The following PPP1R21 variants were observed in gnomAD, a reference collection of about 807,000 sequenced individuals.
The protein encoded by PPP1R21 is KLRAQ motif containing 1.
In PPP1R21, 85 loss-of-function variants were observed where a neutral mutation model predicts 112.8. The observed-to-expected ratio is 0.75, with a 90% CI of 0.63 to 0.90. The LOEUF (loss-of-function observed/expected upper bound fraction) is 0.90, where lower values mean the gene tolerates loss of function less well. PPP1R21 is among the 40% of genes least tolerant of loss of function. The pLI, the probability that PPP1R21 is intolerant of heterozygous loss-of-function variation, is 0.00. For synonymous variants in PPP1R21, 381 were observed against 322.3 expected (o/e 1.18, Z -1.95); for missense variants, 1,199 against 901.5 (o/e 1.33, Z -4.23).
At chr2:48,500,802 G>A (rs994126026) in intron 17 of PPP1R21, among the ~76,000 whole-genome samples, 1 of 152,090 alleles carries the variant, frequency 6.6e-6, no homozygotes, top group Non-Finnish European at 1.5e-5. Flanking sequence ...TCAGCTACTC[G>A]GGAGGCTGAG....
chr2:48,449,768 T>G (rs1667397191), intron 1 of PPP1R21, among the ~76,000 whole-genome samples: 1 of 151,902 alleles, frequency 6.6e-6, no homozygotes, highest in South Asian at 2.1e-4. Flanking sequence ...ATAGATTTTT[T>G]TTTTTTTTAA....
intron 16 of PPP1R21, 123 bp from the exon 17 acceptor site, chr2:48,498,370 A>T: frequency 1.1e-6 from 1 of 884,520 alleles, no homozygotes; most frequent in Non-Finnish European, 1.7e-6. Context: ...CGAGGGTCAA[A>T]CTTTATTATT....
At chr2:48,508,812 G>T (rs1670504549) in intron 19 of PPP1R21, among the ~76,000 whole-genome samples, 1 of 152,218 alleles carries the variant, frequency 6.6e-6, no homozygotes, top group African/African-American at 2.4e-5. Flanking sequence ...GAAATAAGTA[G>T]CTGAGGAATT....
chr2:48,486,593 A>T, intron 13 of PPP1R21, 38 bp from the exon 14 acceptor site: 1 of 1,494,898 alleles, frequency 6.7e-7, no homozygotes, highest in Non-Finnish European at 9.3e-7. Flanking sequence ...TGACTTATAT[A>T]TAGATAATAA....
rs370669499 is a variant in PPP1R21 at position 48,479,964 on chromosome 2, T to G, written c.1266T>G (p.Ser422=). 41 of 1,613,460 alleles carry G rather than the reference T, an allele frequency of 2.5e-5. No homozygotes were observed. Among genetic ancestry groups the G allele is most frequent in the Non-Finnish European group, 3.4e-5 (40 of 1,179,360 alleles). Reference sequence around the variant, plus strand: ...GACTCCTTCGGACAAACTACAGTTCTGTGTTAACAAATGTTGGTGCTGCTC... The same window carrying G: ...GACTCCTTCGGACAAACTACAGTTCGGTGTTAACAAATGTTGGTGCTGCTC... ...PDGLLRTNYS[S]VLTNVGAALH... Residue 422 remains serine (S), a synonymous_variant, in exon 13 of 22, where the codon TCT becomes TCG. Transcript: ENST00000294952.
Position 48,487,448 on chromosome 2 carries a change from C to T in PPP1R21, c.1446+690C>T, listed in dbSNP as rs796499852. Among the ~76,000 whole-genome samples the T allele has an allele frequency of 3.4e-4, 51 of 152,192 alleles. 1 individual carries two copies. Among genetic ancestry groups the T allele is most frequent in the African/African-American group, 1.2e-3 (51 of 41,534 alleles). On this transcript the variant is annotated intron_variant, in intron 14 of 21. Transcript: ENST00000294952. ...ATACTTAATTTTCACTATAAACTAA[C>T]TAAAGTGCAGTTTCTTTAAGAATCC...
At chr2:48,449,368 A>G (rs1399841949) in intron 1 of PPP1R21, among the ~76,000 whole-genome samples, 2 of 152,226 alleles carry the variant, frequency 1.3e-5, no homozygotes, top group South Asian at 2.1e-4. Flanking sequence ...ATAGCTGGTT[A>G]TAGTGAATTT....
chr2:48,489,188 AC>A (rs1391943243), intron 14 of PPP1R21, among the ~76,000 whole-genome samples: 1 of 152,174 alleles, frequency 6.6e-6, no homozygotes, highest in Non-Finnish European at 1.5e-5. Context: ...TGTATACAAG[AC>A]TGTAACTTTT....
rs34664331 is a variant in PPP1R21, at chr2:48,440,812, CGCGGCG to C, written c.-124_-119del. Reference sequence around the variant, plus strand: ...GGGAACCCGGAAGTGGAGGAGGAGGCGCGGCGGCGGCGGCGGCGGCGGCTGCGGTGG... The same window carrying C: ...GGGAACCCGGAAGTGGAGGAGGAGGCGCGGCGGCGGCGGCGGCTGCGGTGG... On this transcript the variant is annotated 5_prime_UTR_variant, in exon 1 of 22. Coordinates refer to ENST00000294952, the MANE Select transcript of PPP1R21 (RefSeq NM_001135629.3). The C allele has an allele frequency of 1.4e-4, 87 of 625,832 alleles. No homozygotes were observed. Among genetic ancestry groups the C allele is most frequent in the East Asian group, 4.9e-4 (15 of 30,356 alleles). 38.8% of individuals were successfully genotyped at this position (625,832 alleles called of 1,614,324 possible).
At chr2:48,453,827 A>C (rs1357670370) in intron 2 of PPP1R21, among the ~76,000 whole-genome samples, 1 of 152,268 alleles carries the variant, frequency 6.6e-6, no homozygotes, top group African/African-American at 2.4e-5. Flanking sequence ...TAGTTGAAGA[A>C]CAATTAAGTG....
chr2:48,475,307 C>G (rs145891507), intron 12 of PPP1R21, among the ~76,000 whole-genome samples: 2 of 151,960 alleles, frequency 1.3e-5, no homozygotes, highest in Admixed American at 6.5e-5. Flanking sequence ...GAGCTATGAT[C>G]ACACCACTGC....
At chr2:48,500,014 G>A (rs1245729537) in intron 17 of PPP1R21, among the ~76,000 whole-genome samples, 1 of 152,128 alleles carries the variant, frequency 6.6e-6, no homozygotes, top group Non-Finnish European at 1.5e-5. Context: ...GTCCTAAGGT[G>A]TGTGCTTTTC....
intron 6 of PPP1R21, 71 bp downstream of exon 6, chr2:48,460,224 G>A: frequency 2.8e-6 from 4 of 1,446,502 alleles, no homozygotes; most frequent in Non-Finnish European, 3.9e-6. Context: ...GGTTGTAGCA[G>A]CTCCTCTGTT....
intron 1 of PPP1R21, among the ~76,000 whole-genome samples, chr2:48,444,050 A>C (rs1300179083): frequency 2.0e-5 from 3 of 152,034 alleles, no homozygotes; most frequent in Admixed American, 6.6e-5. Context: ...GAAAAAAAAA[A>C]CCAAACAAAC....
rs1670798440 is a variant in PPP1R21, at chr2:48,514,734, A to G, written c.2333A>G (p.Lys778Arg). 5 of 1,611,146 alleles carry G rather than the reference A, an allele frequency of 3.1e-6. No individual in the cohort carries two copies. Among genetic ancestry groups the G allele is most frequent in the South Asian group, 1.1e-5 (1 of 91,000 alleles). Reference sequence around the variant, plus strand: ...GCACAGGGGAATTCTAAAAAGAACAAGAGTCGATAGTTTTGAAATAGCTGG... The same window carrying G: ...GCACAGGGGAATTCTAAAAAGAACAGGAGTCGATAGTTTTGAAATAGCTGG... ...MSSKGNSKKN[K>R]SR Residue 778 changes from lysine (K) to arginine (R), a missense_variant, in exon 22 of 22, where the codon AAG (lysine) becomes AGG (arginine). Transcript: ENST00000294952.
chr2:48,473,430 A>G (rs1668611656), intron 11 of PPP1R21, among the ~76,000 whole-genome samples: 1 of 152,204 alleles, frequency 6.6e-6, no homozygotes, highest in Admixed American at 6.5e-5. Context: ...TATGAATTTT[A>G]TCTTGCTTCA....
Position 48,514,992 on chromosome 2 carries a change from C to T in PPP1R21, c.*248C>T. The T allele has an allele frequency of 2.1e-6, 1 of 470,380 alleles. No homozygotes were observed. The highest frequency in any genetic ancestry group is 3.7e-6 in the Non-Finnish European group (1 of 268,258). The allele number at this position is 470,380 out of a possible 1,614,324, so 29.1% of individuals were successfully genotyped here. A position where few individuals can be genotyped will look rare whatever the true frequency, so the allele number is the denominator to read the frequency against. ...CGTATGTCATGGATATTGTAGGTTTCCTTATGCTGTTTTTACTGTGCACTT... is the reference window on the plus strand; with the variant it reads ...CGTATGTCATGGATATTGTAGGTTTTCTTATGCTGTTTTTACTGTGCACTT... On this transcript the variant is annotated 3_prime_UTR_variant, in exon 22 of 22. Coordinates refer to ENST00000294952, the MANE Select transcript of PPP1R21 (RefSeq NM_001135629.3).
intron 11 of PPP1R21, among the ~76,000 whole-genome samples, chr2:48,473,087 T>C (rs1054017906): frequency 1.3e-5 from 2 of 150,612 alleles, no homozygotes; most frequent in South Asian, 2.1e-4. Context: ...TTAAGAAATA[T>C]ACAATTTTAT....
chr2:48,498,572 T>G lies in PPP1R21; in HGVS notation c.1772T>G (p.Ile591Ser). Residue 591 changes from isoleucine to serine, a missense_variant, in exon 17 of 22, where the codon ATC (isoleucine) becomes AGC (serine). Coordinates refer to ENST00000294952, the MANE Select transcript of PPP1R21 (RefSeq NM_001135629.3). ...HWMLEAQLAKIKLEKENQRIA... is the reference protein window; with the variant it reads ...HWMLEAQLAKSKLEKENQRIA... ...ATGTTGGAAGCACAATTAGCCAAAA[T>G]CAAGCTAGAGAAAGAAAACCAGCGA... The G allele has an allele frequency of 2.5e-6, 4 of 1,614,206 alleles. No homozygotes were observed. The highest frequency in any genetic ancestry group is 2.2e-5 in the South Asian group (2 of 91,088).
Sources: allele counts gnomAD v4.1 joint callset (sites outside exome capture counted in the v4.1 genomes callset), GRCh38; gene constraint gnomAD v4.1.1; transcripts MANE v1.5; gene names NCBI Gene and HGNC (gene_info 2026-07-23, HGNC 2026-07-21).